The following SLC26A8 variants were observed in gnomAD, a reference collection of about 807,000 sequenced individuals.
SLC26A8 encodes testis anion transporter 1.
SLC26A8 carries 70 observed loss-of-function variants against 105.0 expected under a neutral mutation model. The ratio of observed to expected loss-of-function variants is 0.67; its 90% CI spans 0.55 to 0.81. The LOEUF is 0.81. SLC26A8 is among the 40% of genes least tolerant of loss of function. The pLI is 0.00. For missense variants in SLC26A8, 998 were observed against 1,181.8 expected, an observed-to-expected ratio of 0.84 and a Z score of 2.28; for synonymous variants, 415 against 438.3, an observed-to-expected ratio of 0.95 and a Z score of 0.66.
At chr6:36,007,284 C>A (rs540643127) in intron 3 of SLC26A8, among the ~76,000 whole-genome samples, 1 of 152,210 alleles carries the variant, frequency 6.6e-6, no homozygotes, top group South Asian at 2.1e-4. Flanking sequence ...TTTCAGGATA[C>A]AAGAAAAACA....
intron 16 of SLC26A8, among the ~76,000 whole-genome samples, chr6:35,958,861 T>C (rs1168845390): frequency 6.6e-6 from 1 of 152,186 alleles, no homozygotes; most frequent in Non-Finnish European, 1.5e-5. Flanking sequence ...AGGGACTACT[T>C]AGATCAAGTC....
chr6:36,012,154 C>T (rs1399681781), intron 3 of SLC26A8, 79 bp downstream of exon 3: 9 of 1,526,666 alleles, frequency 5.9e-6, no homozygotes, highest in Non-Finnish European at 1.8e-6. Context: ...TCATGTAGCA[C>T]AAGTAATTGT....
In SLC26A8 at chr6:35,944,669, G is replaced by A. The variant is rs550548920; in HGVS notation, c.2473-329C>T. On this transcript the variant is annotated intron_variant, in intron 19 of 19. Transcript: ENST00000490799. Reference sequence around the variant, plus strand: ...GACTGCAGTGAGCTGTGTTTACACCGCTGCACTCCAGCCTGAGCAACACAG... The same window carrying A: ...GACTGCAGTGAGCTGTGTTTACACCACTGCACTCCAGCCTGAGCAACACAG... Among the ~76,000 whole-genome samples the A allele has an allele frequency of 8.6e-4, 130 of 151,836 alleles. No individual in the cohort carries two copies. In the Middle Eastern group the frequency reaches 0.01, roughly 12 times the overall value.
At chr6:35,976,419 C>G (rs868380793) in intron 9 of SLC26A8, among the ~76,000 whole-genome samples, 5 of 149,190 alleles carry the variant, frequency 3.4e-5, no homozygotes, top group South Asian at 2.1e-4. Context: ...AGCAAAACTC[C>G]GTCTCAAAAA....
intron 19 of SLC26A8, among the ~76,000 whole-genome samples, chr6:35,950,282 C>T (rs548793121): frequency 6.6e-6 from 1 of 151,572 alleles, no homozygotes; most frequent in East Asian, 1.9e-4. Flanking sequence ...CTAAAGTAGG[C>T]CCAGGTCTCA....
intron 10 of SLC26A8, among the ~76,000 whole-genome samples, chr6:35,973,262 G>C (rs1772866646): frequency 6.6e-6 from 1 of 152,052 alleles, no homozygotes; most frequent in Non-Finnish European, 1.5e-5. Flanking sequence ...AAGTCTCTTT[G>C]GAGTCTCTTT....
intron 8 of SLC26A8, among the ~76,000 whole-genome samples, chr6:35,978,814 TCTTCTTCTTCTTTC>T (rs1486708741): frequency 3.5e-5 from 5 of 142,060 alleles, no homozygotes; most frequent in African/African-American, 1.5e-4. Context: ...AACTATGTCT[TCTTCTTCTTCTTTC>T]CTTCTTCTTC....
At chr6:35,979,064 T>C (rs984208750) in intron 8 of SLC26A8, among the ~76,000 whole-genome samples, 1 of 148,200 alleles carries the variant, frequency 6.7e-6, no homozygotes, top group African/African-American at 2.5e-5. Context: ...GTTGCCCAGG[T>C]TGGTCTTGAA....
At chr6:35,948,457 C>T (rs1771749815) in intron 19 of SLC26A8, among the ~76,000 whole-genome samples, 1 of 151,976 alleles carries the variant, frequency 6.6e-6, no homozygotes, top group Non-Finnish European at 1.5e-5. Context: ...GGTGTGGTGG[C>T]GCATGCCTGT....
chr6:35,979,303 C>G (rs959909667), intron 8 of SLC26A8, among the ~76,000 whole-genome samples: 1 of 151,856 alleles, frequency 6.6e-6, no homozygotes, highest in Admixed American at 6.6e-5. Flanking sequence ...CGGTGAAACC[C>G]CATCGCTACT....
At chr6:36,007,032 C>T (rs79137686) in intron 3 of SLC26A8, among the ~76,000 whole-genome samples, 18,268 of 152,184 alleles carry the variant, frequency 0.12, 1,113 homozygotes, top group South Asian at 0.14. Flanking sequence ...TAACATCATA[C>T]TTAGTGGTAA....
chr6:35,988,995 C>T (rs1219157241), intron 7 of SLC26A8, among the ~76,000 whole-genome samples: 1 of 151,944 alleles, frequency 6.6e-6, no homozygotes, highest in Non-Finnish European at 1.5e-5. Flanking sequence ...CGCCTGCCAC[C>T]TCGCCCGGCT....
rs746886653 is a variant in SLC26A8 at position 35,977,366 on chromosome 6, T to A, written c.1026-15A>T. On this transcript the variant is annotated splice_polypyrimidine_tract_variant and intron_variant, in intron 8 of 19. Coordinates refer to ENST00000490799, the MANE Select transcript of SLC26A8 (RefSeq NM_052961.4). ...GAAGCAGAAAGCTGGAATAGAATAG[T>A]GGAATTATTTCTGGATAGCAGGAAT... The A allele has an allele frequency of 8.7e-6, 14 of 1,609,324 alleles. No individual in the cohort carries two copies. Among genetic ancestry groups the A allele is most frequent in the Admixed American group, 1.7e-5 (1 of 59,054 alleles).
intron 3 of SLC26A8, among the ~76,000 whole-genome samples, chr6:36,005,530 A>G (rs1425258472): frequency 1.3e-5 from 2 of 152,268 alleles, no homozygotes; most frequent in South Asian, 2.1e-4. Flanking sequence ...GGTTTGTCTT[A>G]TATTTCCTTA....
At chr6:36,022,654 G>A (rs542710897) in intron 1 of SLC26A8, among the ~76,000 whole-genome samples, 4 of 152,112 alleles carry the variant, frequency 2.6e-5, no homozygotes, top group Non-Finnish European at 5.9e-5. Context: ...GCTAGGAGGA[G>A]CAGGTGGAAA....
At chr6:35,961,280 G>C (rs1482623637) in intron 12 of SLC26A8, among the ~76,000 whole-genome samples, 181 bp from the exon 13 acceptor site, 1 of 152,112 alleles carries the variant, frequency 6.6e-6, no homozygotes, top group Non-Finnish European at 1.5e-5. Context: ...AGGATGCCTA[G>C]CAATTCTTTT....
intron 2 of SLC26A8, among the ~76,000 whole-genome samples, chr6:36,016,347 G>T (rs1035293206): frequency 6.6e-6 from 1 of 152,034 alleles, no homozygotes; most frequent in Non-Finnish European, 1.5e-5. Context: ...ATAGTATTTG[G>T]GGACATATGT....
intron 16 of SLC26A8, among the ~76,000 whole-genome samples, chr6:35,957,730 C>T (rs1259580658): frequency 6.6e-6 from 1 of 152,008 alleles, no homozygotes; most frequent in Non-Finnish European, 1.5e-5. Flanking sequence ...CCTCAGCCTC[C>T]CGAGTAGCTG....
chr6:35,968,784 G>A (rs926089585), intron 11 of SLC26A8, 93 bp downstream of exon 11: 2 of 33,488 alleles, frequency 6.0e-5, no homozygotes, highest in Non-Finnish European at 1.2e-4. Context: ...CCGCCCCCCC[G>A]CCCCCAGCCC....
Sources: gnomAD v4.1 joint callset for allele counts (sites outside exome capture counted in the v4.1 genomes callset) on GRCh38, gnomAD v4.1.1 for gene constraint, MANE v1.5 for transcripts, NCBI Gene and HGNC (gene_info 2026-07-23, HGNC 2026-07-21) for gene names.